The following ADPRS variants were observed in gnomAD, a reference collection of about 807,000 sequenced individuals.
The protein encoded by ADPRS is ADP-ribosylhydrolase ARH3.
Under a neutral mutation model 32.1 loss-of-function variants are expected in ADPRS, and 25 were observed. The observed-to-expected ratio is 0.78, with a 90% confidence interval of 0.57 to 1.09. ADPRS has a LOEUF of 1.09. Ranked by LOEUF, ADPRS falls within the 50% of genes least tolerant of loss-of-function variation. ADPRS has a pLI of 0.00. For missense variants in ADPRS, 482 were observed against 480.6 expected, an observed-to-expected ratio of 1.00 and a Z score of -0.03; for synonymous variants, 225 against 201.0, an observed-to-expected ratio of 1.12 and a Z score of -1.01.
chr1:36,091,681 C>A lies in ADPRS; in HGVS notation c.372C>A (p.Phe124Leu). 1 of 1,613,772 alleles carries A rather than the reference C, an allele frequency of 6.2e-7. No individual in the cohort carries two copies. The highest frequency in any genetic ancestry group is 8.5e-7 in the Non-Finnish European group (1 of 1,179,886). Residue 124 changes from phenylalanine (F) to leucine (L), a missense_variant, in exon 3 of 6, where the codon TTC (phenylalanine) becomes TTA (leucine). Physicochemically the swap from Phe to Leu is conservative, Grantham distance 22. Coordinates refer to ENST00000373178, the MANE Select transcript of ADPRS (RefSeq NM_017825.3). Reference sequence around the variant, plus strand: ...ATGGTGCTGGAGTAGTCACTGTCTTCAAGAAGCTCCTGAACCCCAAATGTC... The same window carrying A: ...ATGGTGCTGGAGTAGTCACTGTCTTAAAGAAGCTCCTGAACCCCAAATGTC... Reference protein sequence around the residue: ...RGYGAGVVTVFKKLLNPKCRD... With the variant: ...RGYGAGVVTVLKKLLNPKCRD...
chr1:36,091,355 C>A lies in ADPRS; in HGVS notation c.308+15C>A. 6.2e-7 allele frequency: 1 copy of A among 1,613,062 alleles called. No individual in the cohort carries two copies. The highest frequency in any genetic ancestry group is 1.1e-5 in the South Asian group (1 of 90,984). ...ATGGCTCACAGGTGAGGGGGATGGTCCTGGGCTGAGGCAAACCAGGTGGGA... is the reference window on the plus strand; with the variant it reads ...ATGGCTCACAGGTGAGGGGGATGGTACTGGGCTGAGGCAAACCAGGTGGGA... On this transcript the variant is annotated intron_variant, in intron 2 of 5. Transcript: ENST00000373178.
At chr1:36,092,148 C>T (rs1643493490) in intron 4 of ADPRS, 54 bp downstream of exon 4, 2 of 1,540,384 alleles carry the variant, frequency 1.3e-6, no homozygotes, top group Middle Eastern at 2.0e-4. Context: ...TCCAGGGGGC[C>T]TCTGGCATTG....
chr1:36,088,983 C>G lies in ADPRS; in HGVS notation c.79C>G (p.Leu27Val). Residue 27 changes from leucine (L) to valine (V), a missense_variant, in exon 1 of 6, where the codon CTG becomes GTG. Coordinates refer to ENST00000373178, the MANE Select transcript of ADPRS (RefSeq NM_017825.3). ...ARSLSRFRGC[L>V]AGALLGDCVG... is the part of the protein sequence containing the mutation. ...CTCCCTCTCGCGCTTCCGAGGCTGC[C>G]TGGCTGGCGCGCTGCTCGGGGACTG... is the stretch of plus-strand genomic sequence containing the variant. 6.7e-7 allele frequency: 1 copy of G among 1,485,444 alleles called. No homozygotes were observed. The highest frequency in any genetic ancestry group is 1.8e-4 in the Middle Eastern group (1 of 5,532). 92.0% of individuals were successfully genotyped at this position (1,485,444 alleles called of 1,614,324 possible).
In ADPRS at chr1:36,091,582, G is replaced by A. The variant is rs754368729; in HGVS notation, c.309-36G>A. The A allele has an allele frequency of 1.9e-6, 3 of 1,542,096 alleles. No homozygotes were observed. The African/African-American group carries it at 4.1e-5, about 21-fold the overall frequency. On this transcript the variant is annotated intron_variant, in intron 2 of 5. Coordinates refer to ENST00000373178, the MANE Select transcript of ADPRS (RefSeq NM_017825.3). ...CTCTCCCAACCCTTAGAGGCATCTT[G>A]TAAATCTGAATTCTGTCTCCCCTTC...
chr1:36,093,190 A>C lies in ADPRS; in HGVS notation c.896A>C (p.Asn299Thr), dbSNP rs373961966. ...EPDPEIPSAFNSLQRTLIYSI... is the reference protein window; with the variant it reads ...EPDPEIPSAFTSLQRTLIYSI... ...GACCCTGAGATCCCTTCTGCCTTCA[A>C]TAGCCTCCAAAGGACTCTCATTTAT... The change falls in exon 6 of 6, where the codon AAT becomes ACT. Residue 299 changes from asparagine to threonine, a missense_variant. By Grantham distance (65) the Asn-to-Thr change is moderately conservative. Coordinates refer to ENST00000373178, the MANE Select transcript of ADPRS (RefSeq NM_017825.3). 6.2e-7 allele frequency: 1 copy of C among 1,614,080 alleles called. No individual in the cohort carries two copies. Among genetic ancestry groups the C allele is most frequent in the Non-Finnish European group, 8.5e-7 (1 of 1,180,054 alleles).
Position 36,091,961 on chromosome 1 carries a change from G to GGCGCC in ADPRS, c.569_573dup (p.Ile192AlafsTer57). On this transcript the variant is annotated frameshift_variant, in exon 4 of 6. Transcript: ENST00000373178. LOFTEE classifies it high-confidence loss of function. The stretch of plus-strand genomic sequence containing the variant: ...ACACGCCTCCTCCCTGGGTTACAAT[G>GGCGCC]GCGCCATCCTGCAGGCCCTGGCTGT... 1 of 1,613,062 alleles carries GGCGCC rather than the reference G, an allele frequency of 6.2e-7. No homozygotes were observed. Among genetic ancestry groups the GGCGCC allele is most frequent in the South Asian group, 1.1e-5 (1 of 90,988 alleles).
intron 4 of ADPRS, 114 bp downstream of exon 4, chr1:36,092,208 A>G: frequency 7.2e-7 from 1 of 1,387,334 alleles, no homozygotes. Context: ...AGGCATGGGC[A>G]GAAGCCCCTT....
intron 5 of ADPRS, among the ~76,000 whole-genome samples, chr1:36,092,818 C>G (rs1003415100): frequency 2.6e-5 from 4 of 152,232 alleles, no homozygotes; most frequent in African/African-American, 9.6e-5. Flanking sequence ...CAGACACGAT[C>G]TCGCTTCATC....
At chr1:36,092,255 A>G (rs1379191383) in intron 4 of ADPRS, among the ~76,000 whole-genome samples, 161 bp downstream of exon 4, 2 of 152,132 alleles carry the variant, frequency 1.3e-5, no homozygotes. Context: ...AGGGTCCCAG[A>G]GAACGAAACG....
intron 4 of ADPRS, 103 bp from the exon 5 acceptor site, chr1:36,092,319 C>A: frequency 7.8e-7 from 1 of 1,279,786 alleles, no homozygotes; most frequent in Non-Finnish European, 1.1e-6. Flanking sequence ...GCCTGGCTGC[C>A]AGCCTGACCA....
intron 1 of ADPRS, among the ~76,000 whole-genome samples, 157 bp downstream of exon 1, chr1:36,089,272 G>T (rs1643445018): frequency 6.6e-6 from 1 of 152,246 alleles, no homozygotes; most frequent in African/African-American, 2.4e-5. Context: ...AGCTCAGCGA[G>T]TGCCAGTGCG....
Position 36,092,004 on chromosome 1 carries a change from G to A in ADPRS, c.611G>A (p.Gly204Asp). 6.2e-7 allele frequency: 1 copy of A among 1,614,064 alleles called. No homozygotes were observed. The highest frequency in any genetic ancestry group is 8.5e-7 in the Non-Finnish European group (1 of 1,179,990). Residue 204 changes from glycine to aspartate, a missense_variant, in exon 4 of 6, where the codon GGC becomes GAC. Gly to Asp is a moderately conservative substitution (Grantham distance 94). Coordinates refer to ENST00000373178, the MANE Select transcript of ADPRS (RefSeq NM_017825.3). ...QALAVHLALQ[G>D]ESSSEHFLKQ... is the part of the protein sequence containing the mutation. ...CTGGCTGTGCACCTGGCCTTGCAGG[G>A]CGAGTCTTCCAGCGAGCACTTTCTC... is the stretch of plus-strand genomic sequence containing the variant.
Position 36,093,470 on chromosome 1 carries a change from T to C in ADPRS, c.*84T>C. The C allele has an allele frequency of 6.6e-7, 1 of 1,519,352 alleles. No individual in the cohort carries two copies. Among genetic ancestry groups the C allele is most frequent in the Non-Finnish European group, 8.9e-7 (1 of 1,127,222 alleles). The allele number at this position is 1,519,352 out of a possible 1,614,324, so 94.1% of individuals were successfully genotyped here. ...CAGAAACCCTGCGCTTCCTTGAGTGTGGCTTCCCACTTTTCCTGCATTGTG... is the reference window on the plus strand; with the variant it reads ...CAGAAACCCTGCGCTTCCTTGAGTGCGGCTTCCCACTTTTCCTGCATTGTG... On this transcript the variant is annotated 3_prime_UTR_variant, in exon 6 of 6. Transcript: ENST00000373178.
In ADPRS at chr1:36,093,504, T is replaced by C; in HGVS notation, c.*118T>C. 1.5e-6 allele frequency: 2 copies of C among 1,354,552 alleles called. No individual in the cohort carries two copies. The highest frequency in any genetic ancestry group is 2.8e-5 in the South Asian group (2 of 70,830). The allele number at this position is 1,354,552 out of a possible 1,614,324, so 83.9% of individuals were successfully genotyped here. ...ACTTTTCCTGCATTGTGGAGCTGAC[T>C]GAGTACACCGGTGAGGCTGGGGTCT... is the stretch of plus-strand genomic sequence containing the variant. On this transcript the variant is annotated 3_prime_UTR_variant, in exon 6 of 6. Transcript: ENST00000373178.
chr1:36,092,474 C>T lies in ADPRS; in HGVS notation c.754C>T (p.Leu252Phe), dbSNP rs1643497953. The change falls in exon 5 of 6, where the codon CTT (leucine) becomes TTT (phenylalanine). Residue 252 changes from leucine (L) to phenylalanine (F), a missense_variant. Leu to Phe is a conservative substitution (Grantham distance 22). Coordinates refer to ENST00000373178, the MANE Select transcript of ADPRS (RefSeq NM_017825.3). ...YSSRLKKIGE[L>F]LDQASVTREE... ...CAGCCGCCTGAAGAAGATTGGAGAG[C>T]TTCTAGACCAGGCATCGGTGACCAG... The T allele has an allele frequency of 6.2e-7, 1 of 1,614,186 alleles. No homozygotes were observed. The highest frequency in any genetic ancestry group is 1.6e-4 in the Middle Eastern group (1 of 6,062).
Position 36,090,679 on chromosome 1 carries a change from CAAAAAAAAAAAAAA to C in ADPRS, c.212-552_212-539del, listed in dbSNP as rs10625386. 2.8e-3 allele frequency among the ~76,000 whole-genome samples: 185 copies of C among 65,364 alleles called. 3 individuals carry two copies. The highest frequency in any genetic ancestry group is 9.9e-3 in the African/African-American group (180 of 18,170). 42.9% of individuals were successfully genotyped at this position (65,364 alleles called of 152,430 possible). ...GCAACAGGATGAAACTCCATCTCTA[CAAAAAAAAAAAAAA>C]AAAAAAAAAAAAGCCAGGCGCAGTG... On this transcript the variant is annotated intron_variant, in intron 1 of 5. Transcript: ENST00000373178.
intron 1 of ADPRS, 65 bp from the exon 2 acceptor site, chr1:36,091,178 CA>C (rs67749899): frequency 0.11 from 156,054 of 1,444,312 alleles, 9,916 homozygotes; most frequent in Non-Finnish European, 0.13. Flanking sequence ...CCAAAAAAAG[CA>C]AAAAACAACA....
In ADPRS at chr1:36,092,990, G is replaced by C. The variant is rs1054819237; in HGVS notation, c.803-107G>C. ...TGAGCCCAGGTGGTCTAACTGTAGA[G>C]CCTGAGATCTTAGTCACAGCCTGCT... On this transcript the variant is annotated intron_variant, in intron 5 of 5. Transcript: ENST00000373178. 47 of 1,227,706 alleles carry C rather than the reference G, an allele frequency of 3.8e-5. 1 individual carries two copies. The highest frequency in any genetic ancestry group is 3.8e-5 in the Non-Finnish European group (33 of 874,068). The allele number at this position is 1,227,706 out of a possible 1,614,324, so 76.1% of individuals were successfully genotyped here.
At chr1:36,090,002 G>A (rs557533995) in intron 1 of ADPRS, among the ~76,000 whole-genome samples, 1 of 150,108 alleles carries the variant, frequency 6.7e-6, no homozygotes, top group South Asian at 2.2e-4. Context: ...AATTAAGAGG[G>A]AGGGAGGGAG....
Sources: gnomAD v4.1 joint callset for allele counts (sites outside exome capture counted in the v4.1 genomes callset) on GRCh38, gnomAD v4.1.1 for gene constraint, MANE v1.5 for transcripts, NCBI Gene and HGNC (gene_info 2026-07-23, HGNC 2026-07-21) for gene names.